The following HACD4 variants were observed in gnomAD, a reference collection of about 807,000 sequenced individuals.
The protein encoded by HACD4 is very-long-chain (3R)-3-hydroxyacyl-CoA dehydratase 4.
Under a neutral mutation model 33.3 loss-of-function variants are expected in HACD4, and 35 were observed. The observed-to-expected ratio is 1.05, with a 90% CI of 0.80 to 1.39. HACD4 has a LOEUF of 1.39. Ranked by LOEUF, HACD4 falls within the 40% of genes most tolerant of loss-of-function variation. The pLI is 0.00. For synonymous variants in HACD4, 118 were observed against 98.0 expected (o/e 1.20, Z -1.21); for missense variants, 323 against 276.5 (o/e 1.17, Z -1.19).
At chr9:21,010,083 G>A (rs1842375325) in intron 5 of HACD4, among the ~76,000 whole-genome samples, 1 of 152,064 alleles carries the variant, frequency 6.6e-6, no homozygotes, top group South Asian at 2.1e-4. Context: ...TTTATAACTG[G>A]CTTTTATATA....
chr9:21,014,690 G>T (rs148216997), intron 4 of HACD4, among the ~76,000 whole-genome samples: 2 of 152,112 alleles, frequency 1.3e-5, no homozygotes, highest in Non-Finnish European at 2.9e-5. Flanking sequence ...TTTTAAAAGG[G>T]TGAATTTTAT....
Position 21,006,341 on chromosome 9 carries a change from T to C in HACD4, c.*696A>G, listed in dbSNP as rs1240662894. 1 of 152,806 alleles carries C rather than the reference T, an allele frequency of 6.5e-6. No homozygotes were observed. The highest frequency in any genetic ancestry group is 3.1e-3 in the Middle Eastern group (1 of 320). 9.5% of individuals were successfully genotyped at this position (152,806 alleles called of 1,614,324 possible). A position where few individuals can be genotyped will look rare whatever the true frequency, so the allele number is the denominator to read the frequency against. ...GTGAGGACAAAGAAGGACATCTATC[T>C]GCAAACTGGGAAGAGGGCCCTCACC... On this transcript the variant is annotated 3_prime_UTR_variant, in exon 7 of 7. Transcript: ENST00000495827. This position sits in a 1 kb window ranked among gnomAD's most constrained non-coding sequence, Gnocchi z 4.6.
At chr9:21,012,695 A>G (rs1587828166) in intron 4 of HACD4, among the ~76,000 whole-genome samples, 1 of 152,326 alleles carries the variant, frequency 6.6e-6, no homozygotes, top group South Asian at 2.1e-4. Context: ...GATCTTTACC[A>G]ATCAAAGTGA....
At position 21,003,072 on chromosome 9, in the gene HACD4, C is replaced by T. The variant is rs901611121; in HGVS notation, c.*3965G>A. 1 of 152,012 alleles carries T rather than the reference C, an allele frequency of 6.6e-6. No homozygotes were observed. The highest frequency in any genetic ancestry group is 1.5e-5 in the Non-Finnish European group (1 of 67,966). 9.4% of individuals were successfully genotyped at this position (152,012 alleles called of 1,614,324 possible). A position where few individuals can be genotyped will look rare whatever the true frequency, so the allele number is the denominator to read the frequency against. ...TCCATTGTGAATACAGGCAACCAAC[C>T]ACAGTAGTATTAACAATTGTGTCTG... On this transcript the variant is annotated 3_prime_UTR_variant, in exon 7 of 7. Coordinates refer to ENST00000495827, the MANE Select transcript of HACD4 (RefSeq NM_001010915.5).
At chr9:21,020,345 TA>T (rs1044326831) in intron 3 of HACD4, among the ~76,000 whole-genome samples, 1 of 152,182 alleles carries the variant, frequency 6.6e-6, no homozygotes, top group Admixed American at 6.5e-5. Flanking sequence ...GGGTTTCCTA[TA>T]GGGGATATCA....
At chr9:21,021,185 A>G (rs1817898886) in intron 3 of HACD4, among the ~76,000 whole-genome samples, 1 of 152,220 alleles carries the variant, frequency 6.6e-6, no homozygotes, top group Admixed American at 6.5e-5. Context: ...GCAGCCCTTC[A>G]TGCTAAAAAA....
chr9:21,026,483 AGTG>A (rs1286470154), intron 3 of HACD4, 110 bp downstream of exon 3: 4 of 799,812 alleles, frequency 5.0e-6, no homozygotes, highest in Admixed American at 4.8e-5. Flanking sequence ...TCTCCTTATC[AGTG>A]ACCTAAGACA....
chr9:21,006,989 C>G lies in HACD4; in HGVS notation c.*48G>C, dbSNP rs775471260. 1.9e-6 allele frequency: 2 copies of G among 1,048,830 alleles called. No homozygotes were observed. Among genetic ancestry groups the G allele is most frequent in the African/African-American group, 3.1e-5 (2 of 63,830 alleles). The allele number at this position is 1,048,830 out of a possible 1,614,324, so 65.0% of individuals were successfully genotyped here. ...TACTTCCTGTGTTTTATTTACTGCA[C>G]TGAATCCACAGCCTGTCTTTTCTCG... On this transcript the variant is annotated 3_prime_UTR_variant, in exon 7 of 7. Coordinates refer to ENST00000495827, the MANE Select transcript of HACD4 (RefSeq NM_001010915.5). This position sits in a 1 kb window ranked among gnomAD's most constrained non-coding sequence, Gnocchi z 4.6.
In HACD4 at chr9:21,001,093, C is replaced by T. The variant is rs1420733976; in HGVS notation, c.*5944G>A. On this transcript the variant is annotated 3_prime_UTR_variant, in exon 7 of 7. Coordinates refer to ENST00000495827, the MANE Select transcript of HACD4 (RefSeq NM_001010915.5). ...TGTCCCTTTCAAATGAAAACAAAAA[C>T]AAAAACTATCTCTGAAAAAGACTTG... The T allele has an allele frequency of 6.6e-6, 1 of 151,850 alleles. No individual in the cohort carries two copies. Among genetic ancestry groups the T allele is most frequent in the Non-Finnish European group, 1.5e-5 (1 of 67,886 alleles). The allele number at this position is 151,850 out of a possible 1,614,324, so 9.4% of individuals were successfully genotyped here.
In HACD4 at chr9:21,004,669, G is replaced by C. The variant is rs1037273778; in HGVS notation, c.*2368C>G. 6.5e-6 allele frequency: 1 copy of C among 153,020 alleles called. No homozygotes were observed. The highest frequency in any genetic ancestry group is 1.5e-5 in the Non-Finnish European group (1 of 68,706). 9.5% of individuals were successfully genotyped at this position (153,020 alleles called of 1,614,324 possible). On this transcript the variant is annotated 3_prime_UTR_variant, in exon 7 of 7. Transcript: ENST00000495827. The surrounding 1 kb of genome is among the most constrained non-coding windows in gnomAD (Gnocchi z 4.6). ...GACTTCCCTGCCTCCAGAACTGTGA[G>C]AAATATATTTGTTGTCTAAGCCACC...
intron 2 of HACD4, among the ~76,000 whole-genome samples, chr9:21,028,929 G>A (rs1208470449): frequency 1.3e-5 from 2 of 152,130 alleles, no homozygotes; most frequent in African/African-American, 2.4e-5. Flanking sequence ...TACAAACACT[G>A]GAAGAATTTG....
Position 21,029,393 on chromosome 9 carries a change from C to T in HACD4, c.44G>A (p.Arg15Lys). 3 of 1,555,432 alleles carry T rather than the reference C, an allele frequency of 1.9e-6. No individual in the cohort carries two copies. The Middle Eastern group carries it at 5.0e-4, about 262-fold the overall frequency. Residue 15 changes from arginine to lysine, a missense_variant, in exon 2 of 7, where the codon AGG (arginine) becomes AAG (lysine). Physicochemically the swap from Arg to Lys is conservative, Grantham distance 26. Coordinates refer to ENST00000495827, the MANE Select transcript of HACD4 (RefSeq NM_001010915.5). ...ALPAWLQPRYRKNAYLFIYYL... is the reference protein window; with the variant it reads ...ALPAWLQPRYKKNAYLFIYYL... Reference sequence around the variant, plus strand: ...ATAGATGAAAAGATACGCATTCTTCCTATACCTATAAATACAGGAAAATAC... The same window carrying T: ...ATAGATGAAAAGATACGCATTCTTCTTATACCTATAAATACAGGAAAATAC...
chr9:21,007,080 CTT>C lies in HACD4; in HGVS notation c.654_655del (p.Asp220HisfsTer8). On this transcript the variant is annotated frameshift_variant, in exon 7 of 7. Coordinates refer to ENST00000495827, the MANE Select transcript of HACD4 (RefSeq NM_001010915.5). LOFTEE classifies it high-confidence loss of function. Reference sequence around the variant, plus strand: ...AATGGGAAAGATTCCGAGGATGTCTCTTCTTTCTGAGTATAGATGACTGTAGG... The same window carrying C: ...AATGGGAAAGATTCCGAGGATGTCTCCTTTCTGAGTATAGATGACTGTAGG... The C allele has an allele frequency of 3.8e-6, 6 of 1,589,618 alleles. No homozygotes were observed. Among genetic ancestry groups the C allele is most frequent in the Non-Finnish European group, 5.2e-6 (6 of 1,157,866 alleles).
chr9:21,023,091 C>G (rs1817965169), intron 3 of HACD4, among the ~76,000 whole-genome samples: 1 of 151,960 alleles, frequency 6.6e-6, no homozygotes, highest in Non-Finnish European at 1.5e-5. Flanking sequence ...AGCTGGAAAC[C>G]ATCATTCTGA....
intron 3 of HACD4, 24 bp downstream of exon 3, chr9:21,026,572 T>A (rs28540441): frequency 1.9e-6 from 3 of 1,578,688 alleles, no homozygotes; most frequent in Non-Finnish European, 2.6e-6. Context: ...ACAGATTCTA[T>A]AATAATATGT....
chr9:21,004,424 T>C lies in HACD4; in HGVS notation c.*2613A>G, dbSNP rs1246967694. The C allele has an allele frequency of 6.6e-6, 1 of 152,214 alleles. No homozygotes were observed. Among genetic ancestry groups the C allele is most frequent in the Non-Finnish European group, 1.5e-5 (1 of 68,042 alleles). The allele number at this position is 152,214 out of a possible 1,614,324, so 9.4% of individuals were successfully genotyped here. A position where few individuals can be genotyped will look rare whatever the true frequency, so the allele number is the denominator to read the frequency against. On this transcript the variant is annotated 3_prime_UTR_variant, in exon 7 of 7. Coordinates refer to ENST00000495827, the MANE Select transcript of HACD4 (RefSeq NM_001010915.5). This position sits in a 1 kb window ranked among gnomAD's most constrained non-coding sequence, Gnocchi z 4.6. ...CTGAATGCTGGTGTCCCCCATTAAA[T>C]TCACATGTTGAAAATCTAATCTCCA... is the stretch of plus-strand genomic sequence containing the variant.
chr9:21,022,799 AGTC>A (rs1376132194), intron 3 of HACD4, among the ~76,000 whole-genome samples: 1 of 152,064 alleles, frequency 6.6e-6, no homozygotes, highest in Non-Finnish European at 1.5e-5. Context: ...CCGTTGTGGA[AGTC>A]AGTGTGGCGA....
In HACD4 at chr9:21,031,625, G is replaced by A; in HGVS notation, c.-35C>T. On this transcript the variant is annotated 5_prime_UTR_variant, in exon 1 of 7. Coordinates refer to ENST00000495827, the MANE Select transcript of HACD4 (RefSeq NM_001010915.5). ...CCGCCAGGGCTTCCAGCGCGGTCCA[G>A]GAAGGAGTACCGGGGAGGAGGCAGG... The A allele has an allele frequency of 1.2e-5, 17 of 1,379,814 alleles. No homozygotes were observed. Among genetic ancestry groups the A allele is most frequent in the Non-Finnish European group, 1.5e-5 (16 of 1,071,692 alleles). The allele number at this position is 1,379,814 out of a possible 1,614,324, so 85.5% of individuals were successfully genotyped here. A position where few individuals can be genotyped will look rare whatever the true frequency, so the allele number is the denominator to read the frequency against.
chr9:21,019,318 A>C (rs1817840971), intron 3 of HACD4, among the ~76,000 whole-genome samples: 1 of 152,106 alleles, frequency 6.6e-6, no homozygotes, highest in Non-Finnish European at 1.5e-5. Context: ...ACAATATTCA[A>C]AACCTATGTG....
Sources: gnomAD v4.1 joint callset for allele counts (sites outside exome capture counted in the v4.1 genomes callset) on GRCh38, gnomAD v4.1.1 for gene constraint, Gnocchi (gnomAD v3.1) non-coding constraint, MANE v1.5 for transcripts, NCBI Gene and HGNC (gene_info 2026-07-23, HGNC 2026-07-21) for gene names.